The following PLXNA4 variants were observed in gnomAD, a reference collection of about 807,000 sequenced individuals.
The protein encoded by PLXNA4 is plexin A4.
Under a neutral mutation model 191.8 loss-of-function variants are expected in PLXNA4, and 44 were observed. The ratio of observed to expected loss-of-function variants is 0.23; its 90% CI spans 0.18 to 0.29. PLXNA4 has a LOEUF of 0.29. PLXNA4 is among the 10% of genes least tolerant of loss of function. The probability of loss-of-function intolerance (pLI) is 1.00; values close to 1 mark genes in which losing one functional copy is unlikely to be tolerated. For missense variants in PLXNA4, 1,800 were observed against 2,488.8 expected (o/e 0.72, Z 5.89); for synonymous variants, 1,082 against 1,009.5 (o/e 1.07, Z -1.36).
chr7:132,516,220 TTTTATTTA>T (rs58035948), intron 1 of PLXNA4, among the ~76,000 whole-genome samples: 3,782 of 148,296 alleles, frequency 0.026, 84 homozygotes, highest in African/African-American at 0.051. Context: ...CATTTTGTCC[TTTTATTTA>T]TTTATTTATT....
chr7:132,511,464 A>G (rs1798712382), intron 1 of PLXNA4, among the ~76,000 whole-genome samples: 1 of 152,206 alleles, frequency 6.6e-6, no homozygotes, highest in South Asian at 2.1e-4. Context: ...TGTAAGCCCC[A>G]AACAGAAATC....
intron 1 of PLXNA4, among the ~76,000 whole-genome samples, chr7:132,525,251 C>G (rs74979798): frequency 0.026 from 3,919 of 152,170 alleles, 174 homozygotes; most frequent in African/African-American, 0.088. Context: ...AACATGGTGT[C>G]TTTTTGTTTT....
chr7:132,135,674 G>A (rs1274443422), intron 30 of PLXNA4, among the ~76,000 whole-genome samples: 1 of 152,242 alleles, frequency 6.6e-6, no homozygotes, highest in East Asian at 1.9e-4. Flanking sequence ...ATATGTGTGT[G>A]TGAGAAAGAC....
intron 3 of PLXNA4, among the ~76,000 whole-genome samples, chr7:132,401,169 G>C (rs990044297): frequency 6.6e-6 from 1 of 152,284 alleles, no homozygotes; most frequent in South Asian, 2.1e-4. Context: ...AGCTTGGTGG[G>C]TTGTACCAGT....
At chr7:132,176,888 ATG>A (rs1055210533) in intron 20 of PLXNA4, among the ~76,000 whole-genome samples, 10 of 148,014 alleles carry the variant, frequency 6.8e-5, no homozygotes, top group African/African-American at 1.8e-4. Flanking sequence ...GCATGCGTCT[ATG>A]TGTGCACGCA....
rs369755356 is a variant in PLXNA4 at position 132,199,234 on chromosome 7, C to G, written c.2587-598G>C. Among the ~76,000 whole-genome samples, 311 of 152,320 alleles carry G rather than the reference C, an allele frequency of 2.0e-3. 3 individuals carry two copies. Among genetic ancestry groups the G allele is most frequent in the African/African-American group, 7.2e-3 (299 of 41,578 alleles). On this transcript the variant is annotated intron_variant, in intron 12 of 31. Coordinates refer to ENST00000321063, the MANE Select transcript of PLXNA4 (RefSeq NM_020911.2). ...TCTCTGAGAGCAGGTCTGTCTCCCTCCTTGTGGGCTTTTCAGTAACCATCT... is the reference window on the plus strand; with the variant it reads ...TCTCTGAGAGCAGGTCTGTCTCCCTGCTTGTGGGCTTTTCAGTAACCATCT...
At chr7:132,200,098 C>T (rs1797383461) in intron 12 of PLXNA4, among the ~76,000 whole-genome samples, 1 of 152,200 alleles carries the variant, frequency 6.6e-6, no homozygotes, top group Non-Finnish European at 1.5e-5. Context: ...GCTTGTCATA[C>T]TGAAAAAGGA....
intron 2 of PLXNA4, among the ~76,000 whole-genome samples, chr7:132,639,490 C>T (rs1803673164): frequency 6.6e-6 from 1 of 152,186 alleles, no homozygotes; most frequent in Non-Finnish European, 1.5e-5. Flanking sequence ...ATTTGCCACT[C>T]AGCTTGTCCC....
At chr7:132,554,727 A>G (rs1194689002) in intron 1 of PLXNA4, among the ~76,000 whole-genome samples, 3 of 152,166 alleles carry the variant, frequency 2.0e-5, no homozygotes, top group Admixed American at 6.5e-5. Flanking sequence ...CTTTCCAGGA[A>G]ACCAGGGCCT....
intron 2 of PLXNA4, among the ~76,000 whole-genome samples, chr7:132,639,775 G>A (rs1676123460): frequency 6.6e-6 from 1 of 152,150 alleles, no homozygotes. Flanking sequence ...TAAATTTCCT[G>A]GCTTCTACAC....
In PLXNA4 at chr7:132,223,638, G is replaced by A. The variant is rs529514691; in HGVS notation, c.1986C>T (p.Cys662=). The change falls in exon 9 of 32, where the codon TGC becomes TGT. Residue 662 remains cysteine, a synonymous_variant. Transcript: ENST00000321063. ...VFYNCSVHNS[C]LSCVESPYRC... ...GGTATGGACTCTCCACGCAGGACAG[G>A]CACCTGGGCACAGGGGAAGGGAGGC... 1 of 1,612,434 alleles carries A rather than the reference G, an allele frequency of 6.2e-7. No homozygotes were observed. The highest frequency in any genetic ancestry group is 1.3e-5 in the African/African-American group (1 of 75,022).
intron 3 of PLXNA4, among the ~76,000 whole-genome samples, chr7:132,360,970 T>G (rs570082382): frequency 6.6e-6 from 1 of 152,232 alleles, no homozygotes; most frequent in Middle Eastern, 3.2e-3. Context: ...GCAGAATGCA[T>G]GGTAAATGGA....
chr7:132,324,493 TC>T (rs1304555129), intron 3 of PLXNA4, among the ~76,000 whole-genome samples: 1 of 152,216 alleles, frequency 6.6e-6, no homozygotes, highest in Non-Finnish European at 1.5e-5. Context: ...TCGTTACAGT[TC>T]CTTCAGGTTA....
intron 1 of PLXNA4, among the ~76,000 whole-genome samples, chr7:132,515,461 C>T (rs183229057): frequency 1.3e-5 from 2 of 152,310 alleles, no homozygotes; most frequent in African/African-American, 4.8e-5. Flanking sequence ...CTAACCTATA[C>T]ACAGAAAAAT....
intron 3 of PLXNA4, among the ~76,000 whole-genome samples, chr7:132,351,895 C>T (rs993044969): frequency 1.3e-5 from 2 of 152,150 alleles, no homozygotes; most frequent in Non-Finnish European, 2.9e-5. Context: ...AAAGAGCATG[C>T]AGAGACCAGT....
chr7:132,163,340 C>T (rs1023667389), intron 24 of PLXNA4, among the ~76,000 whole-genome samples: 2 of 152,214 alleles, frequency 1.3e-5, no homozygotes, highest in Non-Finnish European at 2.9e-5. Context: ...ACTGCCTGTT[C>T]ATCTTGTCCC....
chr7:132,625,104 C>G (rs183158272), intron 2 of PLXNA4, among the ~76,000 whole-genome samples: 41 of 152,258 alleles, frequency 2.7e-4, no homozygotes, highest in East Asian at 2.5e-3. Flanking sequence ...AACTTGTCCT[C>G]TACTTACTTT....
chr7:132,389,594 T>G (rs1449130573), intron 3 of PLXNA4, among the ~76,000 whole-genome samples: 1 of 152,226 alleles, frequency 6.6e-6, no homozygotes, highest in Non-Finnish European at 1.5e-5. Flanking sequence ...GTGGAATTGT[T>G]TCTGAGGCTT....
chr7:132,408,002 C>T (rs918726753), intron 3 of PLXNA4, among the ~76,000 whole-genome samples: 8 of 151,652 alleles, frequency 5.3e-5, no homozygotes, highest in African/African-American at 1.9e-4. Context: ...GCTTCTGGGA[C>T]TCTAGCCAAA....
Sources: allele counts gnomAD v4.1 joint callset (sites outside exome capture counted in the v4.1 genomes callset), GRCh38; gene constraint gnomAD v4.1.1; transcripts MANE v1.5; gene names NCBI Gene and HGNC (gene_info 2026-07-23, HGNC 2026-07-21).